Variants in ZRANB3 observed in about 807,000 individuals in gnomAD.
ZRANB3 encodes zinc finger RANBP2-type containing 3, also known as DNA annealing helicase and endonuclease ZRANB3.
ZRANB3 carries 125 observed loss-of-function variants against 133.8 expected under a neutral mutation model. The observed-to-expected ratio is 0.93, with a 90% CI of 0.81 to 1.08. The LOEUF (loss-of-function observed/expected upper bound fraction) is 1.08. Ranked by LOEUF, ZRANB3 falls within the 50% of genes least tolerant of loss-of-function variation. The pLI is 0.00. For synonymous variants in ZRANB3, 387 were observed against 432.7 expected, an observed-to-expected ratio of 0.89 and a Z score of 1.31; for missense variants, 1,229 against 1,275.5, an observed-to-expected ratio of 0.96 and a Z score of 0.56.
chr2:135,326,335 T>C (rs1466893047), intron 6 of ZRANB3, among the ~76,000 whole-genome samples: 1 of 152,164 alleles, frequency 6.6e-6, no homozygotes, highest in Non-Finnish European at 1.5e-5. Flanking sequence ...TGTGAAATTT[T>C]GGCGCACCCA....
At chr2:135,296,555 C>T (rs1193794054) in intron 8 of ZRANB3, among the ~76,000 whole-genome samples, 2 of 151,972 alleles carry the variant, frequency 1.3e-5, no homozygotes, top group African/African-American at 4.8e-5. Context: ...GTAGTTTGAT[C>T]TTCTGAAGCC....
intron 2 of ZRANB3, among the ~76,000 whole-genome samples, chr2:135,408,783 C>T (rs899087116): frequency 1.3e-5 from 2 of 150,618 alleles, no homozygotes; most frequent in African/African-American, 4.9e-5. Flanking sequence ...AATGAGAACA[C>T]ATGGAGACAG....
chr2:135,395,198 A>G (rs1228362697), intron 2 of ZRANB3, among the ~76,000 whole-genome samples: 4 of 152,098 alleles, frequency 2.6e-5, no homozygotes, highest in Non-Finnish European at 5.9e-5. Context: ...AAATCCATAC[A>G]TCTACAGTGA....
At chr2:135,319,548 CT>C (rs57522543) in intron 6 of ZRANB3, among the ~76,000 whole-genome samples, 15,868 of 152,174 alleles carry the variant, frequency 0.1, 1,089 homozygotes, top group South Asian at 0.32. Flanking sequence ...AAAAAAATCT[CT>C]ATCAAATTTC....
At chr2:135,405,963 C>G in intron 2 of ZRANB3, among the ~76,000 whole-genome samples, 1 of 152,096 alleles carries the variant, frequency 6.6e-6, no homozygotes, top group South Asian at 2.1e-4. Context: ...CAAGAAATAA[C>G]TAAGATCAGA....
chr2:135,217,429 A>G (rs770098714), intron 17 of ZRANB3, 36 bp downstream of exon 17: 6 of 1,550,706 alleles, frequency 3.9e-6, no homozygotes, highest in Non-Finnish European at 5.2e-6. Context: ...CATGAAAAGT[A>G]ATATAATACA....
At chr2:135,230,468 A>C (rs770607781) in intron 13 of ZRANB3, 45 bp downstream of exon 13, 3 of 1,438,566 alleles carry the variant, frequency 2.1e-6, no homozygotes, top group Non-Finnish European at 2.7e-6. Flanking sequence ...ATCTGAAGAC[A>C]CCACTAACAG....
chr2:135,287,210 T>A (rs1026985196), intron 8 of ZRANB3, among the ~76,000 whole-genome samples: 1 of 152,264 alleles, frequency 6.6e-6, no homozygotes, highest in African/African-American at 2.4e-5. Context: ...GTTTGCTTTG[T>A]TGAAGATCAG....
intron 2 of ZRANB3, among the ~76,000 whole-genome samples, chr2:135,408,192 G>A (rs558384255): frequency 1.3e-5 from 2 of 152,096 alleles, no homozygotes; most frequent in South Asian, 4.2e-4. Context: ...CTCAAAAGAA[G>A]ACGTTTATGC....
chr2:135,358,198 G>GATCTC lies in ZRANB3; in HGVS notation c.181-4575_181-4571dup, dbSNP rs371952731. Among the ~76,000 whole-genome samples the GATCTC allele has an allele frequency of 3.8e-3, 577 of 152,256 alleles. 3 individuals are homozygous for GATCTC. Among genetic ancestry groups the GATCTC allele is most frequent in the African/African-American group, 0.013 (554 of 41,530 alleles). ...TCTATATTTCTTCTAGGTTTCTTGG[G>GATCTC]ATCTCATTCTGTGCATGTATAGTTT... On this transcript the variant is annotated intron_variant, in intron 3 of 20. Coordinates refer to ENST00000264159, the MANE Select transcript of ZRANB3 (RefSeq NM_032143.4).
chr2:135,234,012 A>T (rs1695167682), intron 12 of ZRANB3, among the ~76,000 whole-genome samples: 2 of 152,366 alleles, frequency 1.3e-5, no homozygotes, highest in Admixed American at 6.5e-5. Flanking sequence ...TTGGATAAAG[A>T]GTCAAGACCC....
At chr2:135,371,872 T>G (rs2104900123) in intron 3 of ZRANB3, among the ~76,000 whole-genome samples, 1 of 152,234 alleles carries the variant, frequency 6.6e-6, no homozygotes. Flanking sequence ...ACCAGATCAG[T>G]GTCCTTTTAA....
chr2:135,469,430 C>G (rs1056852950), intron 2 of ZRANB3, among the ~76,000 whole-genome samples: 15 of 152,090 alleles, frequency 9.9e-5, no homozygotes, highest in Admixed American at 6.5e-5. Context: ...ATACAAATAA[C>G]TATCACAAGG....
At chr2:135,417,968 G>C (rs1328027387) in intron 2 of ZRANB3, among the ~76,000 whole-genome samples, 1 of 152,228 alleles carries the variant, frequency 6.6e-6, no homozygotes, top group South Asian at 2.1e-4. Flanking sequence ...TGTGGGGTGG[G>C]GGAAGCGGGG....
chr2:135,491,528 T>A (rs1475606332), intron 2 of ZRANB3, among the ~76,000 whole-genome samples: 3 of 151,842 alleles, frequency 2.0e-5, no homozygotes, highest in African/African-American at 7.3e-5. Context: ...GTATTTTTTT[T>A]TTTGAGATAT....
intron 2 of ZRANB3, among the ~76,000 whole-genome samples, chr2:135,495,113 A>G (rs1472109756): frequency 6.6e-6 from 1 of 152,136 alleles, no homozygotes; most frequent in Non-Finnish European, 1.5e-5. Flanking sequence ...CTGTAATACT[A>G]GCAACTTGGG....
At chr2:135,431,637 T>C (rs773743954) in intron 2 of ZRANB3, among the ~76,000 whole-genome samples, 3 of 152,102 alleles carry the variant, frequency 2.0e-5, no homozygotes, top group Non-Finnish European at 4.4e-5. Context: ...ATTTTTAAAA[T>C]AGGCAAAAGA....
In ZRANB3 at chr2:135,421,265, A is replaced by C. The variant is rs538362208; in HGVS notation, c.162-30445T>G. ...TGTGTAGCTGTTGGCACACCAAACC[A>C]GATTTGGCAAATACAATGGATTGTC... On this transcript the variant is annotated intron_variant, in intron 2 of 20. Coordinates refer to ENST00000264159, the MANE Select transcript of ZRANB3 (RefSeq NM_032143.4). Among the ~76,000 whole-genome samples, 124 of 152,290 alleles carry C rather than the reference A, an allele frequency of 8.1e-4. 1 individual carries two copies. Among genetic ancestry groups the C allele is most frequent in the African/African-American group, 2.6e-3 (110 of 41,580 alleles).
At chr2:135,393,168 C>T (rs1687320443) in intron 2 of ZRANB3, among the ~76,000 whole-genome samples, 1 of 151,734 alleles carries the variant, frequency 6.6e-6, no homozygotes, top group Non-Finnish European at 1.5e-5. Context: ...GCACCTGGCC[C>T]CAATAAATAT....
Sources: gnomAD v4.1 joint callset for allele counts (sites outside exome capture counted in the v4.1 genomes callset) on GRCh38, gnomAD v4.1.1 for gene constraint, MANE v1.5 for transcripts, NCBI Gene and HGNC (gene_info 2026-07-23, HGNC 2026-07-21) for gene names.